The following TSC22D1 variants were observed in gnomAD, a reference collection of about 807,000 sequenced individuals.
TSC22D1 encodes the protein TSC22 domain family protein 1.
A neutral mutation model predicts 74.2 loss-of-function variants in TSC22D1; 9 were observed. The observed-to-expected ratio is 0.12, with a 90% CI of 0.07 to 0.21. The LOEUF is 0.21. Ranked by LOEUF, TSC22D1 falls within the 10% of genes least tolerant of loss-of-function variation. TSC22D1 has a pLI of 1.00. For missense variants in TSC22D1, 1,427 were observed against 1,304.7 expected (o/e 1.09, Z -1.44); for synonymous variants, 586 against 492.5 (o/e 1.19, Z -2.51).
chr13:44,507,117 A>G (rs1879482072), intron 1 of TSC22D1, among the ~76,000 whole-genome samples: 1 of 152,204 alleles, frequency 6.6e-6, no homozygotes, highest in Non-Finnish European at 1.5e-5. Flanking sequence ...CAGGTTGAAG[A>G]TAAAGATTTG....
At chr13:44,447,634 C>T (rs1172950361) in intron 1 of TSC22D1, among the ~76,000 whole-genome samples, 1 of 151,798 alleles carries the variant, frequency 6.6e-6, no homozygotes, top group East Asian at 1.9e-4. Context: ...TTTATATACA[C>T]CTATATATAA....
intron 1 of TSC22D1, among the ~76,000 whole-genome samples, chr13:44,520,761 T>C (rs1880276567): frequency 6.6e-6 from 1 of 152,220 alleles, no homozygotes; most frequent in African/African-American, 2.4e-5. Context: ...TGATGGTTTC[T>C]AATTTCTCTG....
chr13:44,512,680 T>C (rs533334566), intron 1 of TSC22D1, among the ~76,000 whole-genome samples: 9 of 152,212 alleles, frequency 5.9e-5, no homozygotes, highest in Non-Finnish European at 1.3e-4. Flanking sequence ...TTTTTTGAGA[T>C]GGAGTCTTGC....
Position 44,435,107 on chromosome 13 carries a change from G to A in TSC22D1, c.2965-224C>T, listed in dbSNP as rs551328136. ...TTGTAAAAGTCTGTGCTTCTCTGCA[G>A]ACGTTGGCCAGAAACGCCCAAGTAA... is the stretch of plus-strand genomic sequence containing the variant. On this transcript the variant is annotated intron_variant, in intron 2 of 2. Coordinates refer to ENST00000458659, the MANE Select transcript of TSC22D1 (RefSeq NM_183422.4). 133 of 474,560 alleles carry A rather than the reference G, an allele frequency of 2.8e-4. 4 individuals carry two copies. The South Asian group carries it at 4.3e-3, about 15-fold the overall frequency. The allele number at this position is 474,560 out of a possible 1,614,324, so 29.4% of individuals were successfully genotyped here. A position where few individuals can be genotyped will look rare whatever the true frequency, so the allele number is the denominator to read the frequency against.
intron 1 of TSC22D1, among the ~76,000 whole-genome samples, chr13:44,534,904 A>G (rs189374186): frequency 2.0e-5 from 3 of 152,286 alleles, no homozygotes; most frequent in Admixed American, 2.0e-4. Flanking sequence ...TATATACTCA[A>G]CTTACCAAAG....
chr13:44,533,531 C>T (rs933558062), intron 1 of TSC22D1, among the ~76,000 whole-genome samples: 6 of 151,582 alleles, frequency 4.0e-5, no homozygotes, highest in Non-Finnish European at 8.8e-5. Flanking sequence ...AGTATCCTTT[C>T]CCAGCACTCT....
intron 1 of TSC22D1, among the ~76,000 whole-genome samples, chr13:44,470,854 G>A (rs991271333): frequency 2.0e-5 from 3 of 152,084 alleles, no homozygotes; most frequent in Non-Finnish European, 4.4e-5. Flanking sequence ...TAAGAGTCAC[G>A]GTCCAGAGTC....
chr13:44,495,565 T>C (rs1186254762), intron 1 of TSC22D1, among the ~76,000 whole-genome samples: 1 of 152,164 alleles, frequency 6.6e-6, no homozygotes, highest in Admixed American at 6.5e-5. Flanking sequence ...TTTACCCTTA[T>C]GAACTAAAAG....
At chr13:44,501,111 C>T (rs928426671) in intron 1 of TSC22D1, among the ~76,000 whole-genome samples, 12 of 151,960 alleles carry the variant, frequency 7.9e-5, no homozygotes, top group African/African-American at 2.9e-4. Context: ...TGCCATGGAC[C>T]GAAAAGAATA....
At chr13:44,539,689 T>C in intron 1 of TSC22D1, 1 of 1,181,886 alleles carries the variant, frequency 8.5e-7, no homozygotes, top group Non-Finnish European at 1.1e-6. Flanking sequence ...CCCAAGGAGT[T>C]TACCACAGAA....
At chr13:44,475,634 G>A (rs1422051265) in intron 1 of TSC22D1, among the ~76,000 whole-genome samples, 2 of 151,716 alleles carry the variant, frequency 1.3e-5, no homozygotes, top group Non-Finnish European at 1.5e-5. Flanking sequence ...AGAGAAGGCA[G>A]AAATAAGCAG....
intron 1 of TSC22D1, among the ~76,000 whole-genome samples, chr13:44,497,344 T>A (rs1333733802): frequency 6.6e-6 from 1 of 152,268 alleles, no homozygotes; most frequent in East Asian, 1.9e-4. Flanking sequence ...ATAGGTAAAT[T>A]CATAGAAACA....
chr13:44,498,886 G>C (rs1879097152), intron 1 of TSC22D1, among the ~76,000 whole-genome samples: 1 of 151,972 alleles, frequency 6.6e-6, no homozygotes, highest in African/African-American at 2.4e-5. Context: ...TAACACATTT[G>C]ATACACGAAA....
At chr13:44,501,995 C>T (rs530709850) in intron 1 of TSC22D1, among the ~76,000 whole-genome samples, 3 of 152,292 alleles carry the variant, frequency 2.0e-5, no homozygotes, top group Non-Finnish European at 4.4e-5. Context: ...TCAGTTTACA[C>T]ATCTTATCCT....
At chr13:44,553,873 G>T (rs61947991) in intron 1 of TSC22D1, among the ~76,000 whole-genome samples, 13,256 of 152,224 alleles carry the variant, frequency 0.087, 740 homozygotes, top group Non-Finnish European at 0.12. Context: ...CATTTAGAAT[G>T]ATGGTGCTAG....
intron 1 of TSC22D1, among the ~76,000 whole-genome samples, chr13:44,501,075 A>C (rs916746031): frequency 1.3e-5 from 2 of 152,156 alleles, no homozygotes; most frequent in African/African-American, 4.8e-5. Flanking sequence ...TGCTGTTGTC[A>C]TTTTCCAGGT....
At chr13:44,449,011 T>TG (rs1180877675) in intron 1 of TSC22D1, among the ~76,000 whole-genome samples, 25 of 152,064 alleles carry the variant, frequency 1.6e-4, no homozygotes, top group African/African-American at 6.0e-4. Context: ...AGCCACCCAT[T>TG]TTACAGATTA....
chr13:44,545,617 AT>A (rs1246142435), intron 1 of TSC22D1, among the ~76,000 whole-genome samples: 2 of 150,298 alleles, frequency 1.3e-5, no homozygotes, highest in Non-Finnish European at 3.0e-5. Flanking sequence ...TTCCTACTGT[AT>A]TTTTTCATTC....
At chr13:44,563,186 T>G (rs1299842617) in intron 1 of TSC22D1, among the ~76,000 whole-genome samples, 2 of 152,130 alleles carry the variant, frequency 1.3e-5, no homozygotes, top group African/African-American at 4.8e-5. Context: ...AAACTGAGGC[T>G]GGGTCATGAA....
Sources: allele counts gnomAD v4.1 joint callset (sites outside exome capture counted in the v4.1 genomes callset), GRCh38; gene constraint gnomAD v4.1.1; transcripts MANE v1.5; gene names NCBI Gene and HGNC (gene_info 2026-07-23, HGNC 2026-07-21).